Variants in BCL3 observed in about 807,000 individuals in gnomAD.
The protein encoded by BCL3 is B-cell lymphoma 3 protein.
BCL3 carries 15 observed loss-of-function variants against 35.7 expected under a neutral mutation model. The ratio of observed to expected loss-of-function variants is 0.42; its 90% confidence interval spans 0.28 to 0.65. BCL3 has a LOEUF of 0.65. BCL3 is among the 30% of genes least tolerant of loss of function. The pLI, the probability that BCL3 is intolerant of heterozygous loss-of-function variation, is 0.22. For missense variants in BCL3, 565 were observed against 641.7 expected (o/e 0.88, Z 1.29); for synonymous variants, 311 against 284.3 (o/e 1.09, Z -0.95).
chr19:44,748,053 C>T, upstream of BCL3: 5 of 1,343,794 alleles, frequency 3.7e-6, no homozygotes, highest in Non-Finnish European at 4.9e-6. Flanking sequence ...GTCCCTGCCC[C>T]GGGTGCGTCT....
chr19:44,751,414 G>A (rs751891657), intron 2 of BCL3, 34 bp downstream of exon 2: 4 of 1,523,524 alleles, frequency 2.6e-6, no homozygotes, highest in Middle Eastern at 1.8e-4. Flanking sequence ...GGGAGGGGTG[G>A]TTGGGAAGAC....
Position 44,759,712 on chromosome 19 carries a change from C to CCA in BCL3, c.*98_*99insAC. On this transcript the variant is annotated 3_prime_UTR_variant, in exon 9 of 9. Transcript: ENST00000164227. The stretch of plus-strand genomic sequence containing the variant: ...AACTGTGAAGATCTCACTCTGCCCC[C>CCA]CCCCCCCATCTTCGGGACCAGGATT... 1 of 614,646 alleles carries CCA rather than the reference C, an allele frequency of 1.6e-6. No individual in the cohort carries two copies. The highest frequency in any genetic ancestry group is 2.6e-6 in the Non-Finnish European group (1 of 378,766). The allele number at this position is 614,646 out of a possible 1,614,324, so 38.1% of individuals were successfully genotyped here. A position where few individuals can be genotyped will look rare whatever the true frequency, so the allele number is the denominator to read the frequency against.
chr19:44,759,139 G>A (rs1173511096), intron 8 of BCL3, among the ~76,000 whole-genome samples: 1 of 115,976 alleles, frequency 8.6e-6, no homozygotes, highest in Non-Finnish European at 1.7e-5. Flanking sequence ...TCAGACCCAG[G>A]AGTCCAGATT....
chr19:44,758,341 C>T lies in BCL3; in HGVS notation c.987C>T (p.Val329=), dbSNP rs1284198638. The T allele has an allele frequency of 1.3e-6, 2 of 1,563,120 alleles. No homozygotes were observed. Among genetic ancestry groups the T allele is most frequent in the African/African-American group, 2.7e-5 (2 of 73,932 alleles). The change falls in exon 7 of 9, where the codon GTC becomes GTT. Residue 329 remains valine, a synonymous_variant. Coordinates refer to ENST00000164227, the MANE Select transcript of BCL3 (RefSeq NM_005178.5). ...RGLLPLVRTL[V]RSGADSSLKN... is the part of the protein sequence containing the mutation. ...TCCTCCCGCTGGTGCGCACGCTGGT[C>T]CGCAGCGGCGCTGACAGCAGCCTCA...
At chr19:44,748,677 C>A (rs1230144313), upstream of BCL3, 1 of 1,042,010 alleles carries the variant, frequency 9.6e-7, no homozygotes, top group Non-Finnish European at 1.2e-6. Context: ...CCGCCCCGGC[C>A]GACAAAAGTC....
At chr19:44,750,447 C>T (rs954986040) in intron 1 of BCL3, among the ~76,000 whole-genome samples, 2 of 151,988 alleles carry the variant, frequency 1.3e-5, no homozygotes, top group African/African-American at 4.8e-5. Flanking sequence ...TACAGGCATG[C>T]ACCACCACAC....
upstream of BCL3, chr19:44,747,811 C>A: frequency 9.1e-7 from 1 of 1,104,246 alleles, no homozygotes; most frequent in Non-Finnish European, 1.1e-6. Context: ...CGCCTGTCTC[C>A]ATGTCTCTTT....
Position 44,759,668 on chromosome 19 carries a change from T to C in BCL3, c.*53T>C, listed in dbSNP as rs1046881. On this transcript the variant is annotated 3_prime_UTR_variant, in exon 9 of 9. Coordinates refer to ENST00000164227, the MANE Select transcript of BCL3 (RefSeq NM_005178.5). ...CATGAGGAGGGGCCCCCCTGCCCTG[T>C]GGGGTCAACCCTTCTGGAAACTGTG... 1 of 1,348,650 alleles carries C rather than the reference T, an allele frequency of 7.4e-7. No homozygotes were observed. The highest frequency in any genetic ancestry group is 2.3e-5 in the Admixed American group (1 of 44,022). The allele number at this position is 1,348,650 out of a possible 1,614,324, so 83.5% of individuals were successfully genotyped here.
intron 6 of BCL3, 144 bp from the exon 7 acceptor site, chr19:44,758,102 C>A: frequency 1.1e-6 from 1 of 880,308 alleles, no homozygotes; most frequent in Non-Finnish European, 1.6e-6. Context: ...TTGGCCTGCC[C>A]TTGGCTCTCG....
At chr19:44,755,638 G>A (rs759849878) in intron 2 of BCL3, among the ~76,000 whole-genome samples, 6 of 152,322 alleles carry the variant, frequency 3.9e-5, no homozygotes, top group South Asian at 4.1e-4. Context: ...CAGACTGGGC[G>A]TGGTGGCTCA....
At chr19:44,753,060 A>T (rs1967211794) in intron 2 of BCL3, among the ~76,000 whole-genome samples, 1 of 152,188 alleles carries the variant, frequency 6.6e-6, no homozygotes, top group South Asian at 2.1e-4. Flanking sequence ...GGATTCAGTG[A>T]GATCTTGTAC....
At position 44,757,505 on chromosome 19, in the gene BCL3, A is replaced by C. The variant is rs1568546293; in HGVS notation, c.813+90A>C. 2.0e-6 allele frequency: 3 copies of C among 1,472,734 alleles called. No individual in the cohort carries two copies. The highest frequency in any genetic ancestry group is 9.3e-7 in the Non-Finnish European group (1 of 1,080,200). The allele number at this position is 1,472,734 out of a possible 1,614,324, so 91.2% of individuals were successfully genotyped here. ...GGGGCCAGTGTGGGGCTGGCGTGGG[A>C]GAGCACCCGGGTGGGGTGGGGCTTG... On this transcript the variant is annotated intron_variant, in intron 5 of 8. Coordinates refer to ENST00000164227, the MANE Select transcript of BCL3 (RefSeq NM_005178.5). The surrounding 1 kb of genome is among the most constrained non-coding windows in gnomAD (Gnocchi z 8.4).
chr19:44,753,162 G>T (rs948605892), intron 2 of BCL3, among the ~76,000 whole-genome samples: 25 of 152,224 alleles, frequency 1.6e-4, no homozygotes, highest in African/African-American at 5.5e-4. Context: ...AGCTCCCAGG[G>T]TGGTTGCAGG....
In BCL3 at chr19:44,759,857, T is replaced by G; in HGVS notation, c.*242T>G. ...CTCAGGCACCAGTCCCTGTCCGGAA[T>G]GCCACCCACATCTTCCATTTCCATG... On this transcript the variant is annotated 3_prime_UTR_variant, in exon 9 of 9. Transcript: ENST00000164227. 2.3e-6 allele frequency: 1 copy of G among 436,770 alleles called. No homozygotes were observed. Among genetic ancestry groups the G allele is most frequent in the Non-Finnish European group, 4.0e-6 (1 of 248,856 alleles). 27.1% of individuals were successfully genotyped at this position (436,770 alleles called of 1,614,324 possible).
At chr19:44,754,800 G>A (rs1353872686) in intron 2 of BCL3, among the ~76,000 whole-genome samples, 1 of 152,252 alleles carries the variant, frequency 6.6e-6, no homozygotes, top group Non-Finnish European at 1.5e-5. Context: ...TCACCTGCGT[G>A]ATCTCACCCT....
In BCL3 at chr19:44,749,298, C is replaced by G. The variant is rs868220123; in HGVS notation, c.256+252C>G. ...GCTGAGTGACGTGGGGGGGGGGGGG[C>G]CAGGGACAATGCCCAGTGGTACAAA... On this transcript the variant is annotated intron_variant, in intron 1 of 8. Coordinates refer to ENST00000164227, the MANE Select transcript of BCL3 (RefSeq NM_005178.5). Among the ~76,000 whole-genome samples, 15 of 127,434 alleles carry G rather than the reference C, an allele frequency of 1.2e-4. No homozygotes were observed. The East Asian group carries it at 1.6e-3, about 14-fold the overall frequency. 83.6% of individuals were successfully genotyped at this position (127,434 alleles called of 152,430 possible). A position where few individuals can be genotyped will look rare whatever the true frequency, so the allele number is the denominator to read the frequency against.
chr19:44,749,000 CG>C lies in BCL3; in HGVS notation c.213del (p.His74ThrfsTer31). 1 of 1,384,508 alleles carries C rather than the reference CG, an allele frequency of 7.2e-7. No individual in the cohort carries two copies. Among genetic ancestry groups the C allele is most frequent in the Non-Finnish European group, 9.4e-7 (1 of 1,067,660 alleles). The allele number at this position is 1,384,508 out of a possible 1,614,324, so 85.8% of individuals were successfully genotyped here. A position where few individuals can be genotyped will look rare whatever the true frequency, so the allele number is the denominator to read the frequency against. Reference sequence around the variant, plus strand: ...GCGGCTGCGACCTGCCGGCGGTCCCCGGGCCCCCCCACGGCCTGGCCCGGCC... The same window carrying C: ...GCGGCTGCGACCTGCCGGCGGTCCCCGGCCCCCCCACGGCCTGGCCCGGCC... Reference protein sequence around the residue: ...RGGCDLPAVPGPPHGLARPEA... With the variant: ...RGGCDLPAVPXPPHGLARPEA... On this transcript the variant is annotated frameshift_variant, in exon 1 of 9. Transcript: ENST00000164227. LOFTEE classifies it high-confidence loss of function.
chr19:44,756,769 T>G (rs1967296253), intron 3 of BCL3, among the ~76,000 whole-genome samples: 3 of 143,596 alleles, frequency 2.1e-5, no homozygotes, highest in East Asian at 2.1e-4. Context: ...GACCTCCTAG[T>G]GAGGAGGGAG....
chr19:44,750,398 A>T (rs1429092977), intron 1 of BCL3, among the ~76,000 whole-genome samples: 1 of 152,048 alleles, frequency 6.6e-6, no homozygotes, highest in African/African-American at 2.4e-5. Context: ...TCCCAAGTTC[A>T]GGGGATTCTT....
Sources: allele counts gnomAD v4.1 joint callset (sites outside exome capture counted in the v4.1 genomes callset), GRCh38; gene constraint gnomAD v4.1.1; non-coding constraint Gnocchi (gnomAD v3.1); transcripts MANE v1.5; gene names NCBI Gene and HGNC (gene_info 2026-07-23, HGNC 2026-07-21).